Variants in PTPRZ1 observed in about 807,000 individuals in gnomAD.
PTPRZ1 encodes the protein protein tyrosine phosphatase receptor type Z1, also known as receptor-type tyrosine-protein phosphatase zeta.
In PTPRZ1, 82 loss-of-function variants were observed where a neutral mutation model predicts 214.1. The ratio of observed to expected loss-of-function variants is 0.38; its 90% CI spans 0.32 to 0.46. The LOEUF (loss-of-function observed/expected upper bound fraction) is 0.46. PTPRZ1 is among the 20% of genes least tolerant of loss of function. PTPRZ1 has a pLI of 1.00. For missense variants in PTPRZ1, 2,603 were observed against 2,748.7 expected (o/e 0.95, Z 1.19); for synonymous variants, 945 against 987.9 (o/e 0.96, Z 0.81).
rs1376942848 is a variant in PTPRZ1, at chr7:122,036,718, A to T, written c.5367+36A>T. On this transcript the variant is annotated intron_variant, in intron 18 of 29. Coordinates refer to ENST00000393386, the MANE Select transcript of PTPRZ1 (RefSeq NM_002851.3). The stretch of plus-strand genomic sequence containing the variant: ...TTTAATTGAAAATTTTATAGAAATC[A>T]TATTAGACTGAATTATTATACCATA... The T allele has an allele frequency of 2.1e-6, 3 of 1,399,016 alleles. No individual in the cohort carries two copies. In the African/African-American group the frequency reaches 4.3e-5, roughly 20 times the overall value. 86.7% of individuals were successfully genotyped at this position (1,399,016 alleles called of 1,614,324 possible).
intron 1 of PTPRZ1, among the ~76,000 whole-genome samples, chr7:121,900,304 T>C (rs1169911509): frequency 6.6e-6 from 1 of 152,188 alleles, no homozygotes; most frequent in East Asian, 1.9e-4. Flanking sequence ...GCTCACCCTT[T>C]ACAACAGAAT....
intron 1 of PTPRZ1, among the ~76,000 whole-genome samples, chr7:121,914,355 T>G (rs1404496606): frequency 6.6e-6 from 1 of 152,200 alleles, no homozygotes; most frequent in East Asian, 1.9e-4. Context: ...TTTCTGGTAA[T>G]AATTTGTATT....
chr7:121,962,285 A>G lies in PTPRZ1; in HGVS notation c.125-5666A>G, dbSNP rs535483944. Among the ~76,000 whole-genome samples the G allele has an allele frequency of 1.8e-3, 266 of 151,914 alleles. 1 individual carries two copies. Among genetic ancestry groups the G allele is most frequent in the Non-Finnish European group, 3.3e-3 (223 of 67,938 alleles). ...AACATGGTGAAACCCTGTTTCTACTAAAAATACAAAAAGTTAGCTGGGCGT... is the reference window on the plus strand; with the variant it reads ...AACATGGTGAAACCCTGTTTCTACTGAAAATACAAAAAGTTAGCTGGGCGT... On this transcript the variant is annotated intron_variant, in intron 2 of 29. Coordinates refer to ENST00000393386, the MANE Select transcript of PTPRZ1 (RefSeq NM_002851.3).
chr7:122,038,007 G>A (rs1378974630), intron 18 of PTPRZ1, among the ~76,000 whole-genome samples: 1 of 152,146 alleles, frequency 6.6e-6, no homozygotes, highest in Non-Finnish European at 1.5e-5. Flanking sequence ...ATGGTGAAAG[G>A]CACCTCTTCA....
Position 122,053,904 on chromosome 7 carries a change from T to C in PTPRZ1, c.6253-6T>C, listed in dbSNP as rs773935584. On this transcript the variant is annotated splice_polypyrimidine_tract_variant and splice_region_variant and intron_variant, in intron 25 of 29. Coordinates refer to ENST00000393386, the MANE Select transcript of PTPRZ1 (RefSeq NM_002851.3). Reference sequence around the variant, plus strand: ...TGCTGTTTTTGTCTTCTCTTTGGTTTTGTAGGGCTATTACCAGAGCAATGA... The same window carrying C: ...TGCTGTTTTTGTCTTCTCTTTGGTTCTGTAGGGCTATTACCAGAGCAATGA... 1 of 1,612,462 alleles carries C rather than the reference T, an allele frequency of 6.2e-7. No individual in the cohort carries two copies. The highest frequency in any genetic ancestry group is 8.5e-7 in the Non-Finnish European group (1 of 1,178,966).
chr7:122,014,584 G>A (rs1353691275), intron 12 of PTPRZ1, among the ~76,000 whole-genome samples: 4 of 152,076 alleles, frequency 2.6e-5, no homozygotes, highest in African/African-American at 4.8e-5. Flanking sequence ...GACTACAGGC[G>A]CCCACCACCA....
At chr7:122,036,939 G>A (rs930493260) in intron 18 of PTPRZ1, among the ~76,000 whole-genome samples, 16 of 152,184 alleles carry the variant, frequency 1.1e-4, no homozygotes, top group African/African-American at 2.7e-4. Context: ...TACCTTCAGG[G>A]TGGAATAGGT....
intron 1 of PTPRZ1, among the ~76,000 whole-genome samples, chr7:121,881,907 A>G (rs1794251755): frequency 6.6e-6 from 1 of 151,944 alleles, no homozygotes; most frequent in Non-Finnish European, 1.5e-5. Flanking sequence ...TCTGTTATTT[A>G]TTTTCTTTCT....
chr7:121,882,338 G>A (rs116283021), intron 1 of PTPRZ1, among the ~76,000 whole-genome samples: 1,622 of 152,256 alleles, frequency 0.011, 24 homozygotes, highest in African/African-American at 0.035. Flanking sequence ...GATATATTTA[G>A]TCTTAAATTC....
At chr7:121,985,027 A>C (rs1372199699) in intron 8 of PTPRZ1, among the ~76,000 whole-genome samples, 1 of 152,198 alleles carries the variant, frequency 6.6e-6, no homozygotes, top group Non-Finnish European at 1.5e-5. Context: ...ATATTAATTT[A>C]ATAATCATCT....
chr7:121,873,421 A>C lies in PTPRZ1; in HGVS notation c.-79A>C, dbSNP rs1793944632. The C allele has an allele frequency of 4.8e-6, 7 of 1,452,436 alleles. No homozygotes were observed. Among genetic ancestry groups the C allele is most frequent in the South Asian group, 3.6e-5 (3 of 83,724 alleles). The allele number at this position is 1,452,436 out of a possible 1,614,324, so 90.0% of individuals were successfully genotyped here. ...GGATTAAAACAAACAAACAAAAAAA[A>C]CATTTCCTTCGCTCCCCCTCCCTCT... On this transcript the variant is annotated 5_prime_UTR_variant, in exon 1 of 30. Transcript: ENST00000393386.
intron 2 of PTPRZ1, among the ~76,000 whole-genome samples, chr7:121,943,436 C>T (rs547755198): frequency 7.2e-5 from 11 of 152,178 alleles, no homozygotes; most frequent in South Asian, 2.1e-4. Flanking sequence ...CCCGGGTTCA[C>T]GCCATTCTCC....
chr7:122,044,825 A>G (rs1799837022), intron 23 of PTPRZ1, among the ~76,000 whole-genome samples: 1 of 152,196 alleles, frequency 6.6e-6, no homozygotes, highest in African/African-American at 2.4e-5. Flanking sequence ...TCGAGAAAAG[A>G]AGGGCACAGA....
intron 1 of PTPRZ1, among the ~76,000 whole-genome samples, chr7:121,893,918 G>A (rs1368639427): frequency 1.3e-5 from 2 of 151,980 alleles, no homozygotes. Context: ...TCCTCCTTCA[G>A]GGATATGACT....
chr7:122,060,392 C>T (rs1016096197), intron 29 of PTPRZ1, among the ~76,000 whole-genome samples: 1 of 152,208 alleles, frequency 6.6e-6, no homozygotes, highest in African/African-American at 2.4e-5. Flanking sequence ...TGCACTGCGT[C>T]ACATGTAGGC....
chr7:121,879,867 C>T (rs1584595357), intron 1 of PTPRZ1, among the ~76,000 whole-genome samples: 1 of 151,520 alleles, frequency 6.6e-6, no homozygotes, highest in Non-Finnish European at 1.5e-5. Context: ...TTCCTTTAAT[C>T]CTTCCTTCTT....
At chr7:122,051,305 A>C in intron 23 of PTPRZ1, 123 bp from the exon 24 acceptor site, 1 of 535,056 alleles carries the variant, frequency 1.9e-6, no homozygotes, top group East Asian at 3.2e-5. Flanking sequence ...CATTTCATAT[A>C]TATTTTTAGT....
intron 8 of PTPRZ1, among the ~76,000 whole-genome samples, chr7:121,995,177 A>T (rs974949792): frequency 2.0e-5 from 3 of 152,188 alleles, no homozygotes; most frequent in African/African-American, 7.2e-5. Flanking sequence ...GGTGAACTGC[A>T]AACTAGCAGA....
intron 10 of PTPRZ1, among the ~76,000 whole-genome samples, chr7:122,002,365 C>A (rs1484420905): frequency 1.3e-5 from 2 of 152,114 alleles, no homozygotes; most frequent in Non-Finnish European, 2.9e-5. Context: ...GCCAAGGAGA[C>A]GTGCCTAGGC....
Sources: gnomAD v4.1 joint callset for allele counts (sites outside exome capture counted in the v4.1 genomes callset) on GRCh38, gnomAD v4.1.1 for gene constraint, MANE v1.5 for transcripts, NCBI Gene and HGNC (gene_info 2026-07-23, HGNC 2026-07-21) for gene names.